The following HSD17B4 variants were observed in gnomAD, a reference collection of about 807,000 sequenced individuals.
HSD17B4 encodes hydroxysteroid 17-beta dehydrogenase 4.
Under a neutral mutation model 101.0 loss-of-function variants are expected in HSD17B4, and 70 were observed. The observed-to-expected ratio is 0.69, with a 90% CI of 0.57 to 0.85. The LOEUF (loss-of-function observed/expected upper bound fraction) is 0.85. HSD17B4 is among the 40% of genes least tolerant of loss of function. The pLI is 0.00. For missense variants in HSD17B4, 984 were observed against 892.4 expected, an observed-to-expected ratio of 1.10 and a Z score of -1.31; for synonymous variants, 347 against 297.1, an observed-to-expected ratio of 1.17 and a Z score of -1.73.
At chr5:119,454,471 A>G (rs544046268) in intron 1 of HSD17B4, among the ~76,000 whole-genome samples, 1 of 152,116 alleles carries the variant, frequency 6.6e-6, no homozygotes, top group South Asian at 2.1e-4. Flanking sequence ...ACGCCCAGCT[A>G]ATTTTTAAAT....
rs1393480039 is a variant in HSD17B4, at chr5:119,533,288, C to CT, written c.1993+1884_1993+1885insT. Among the ~76,000 whole-genome samples the CT allele has an allele frequency of 8.4e-4, 19 of 22,710 alleles. No individual in the cohort carries two copies. The South Asian group carries it at 0.024, about 29-fold the overall frequency. 14.9% of individuals were successfully genotyped at this position (22,710 alleles called of 152,430 possible). ...ACTACAAATATGCATTGACAGGATG[C>CT]CTTTTTTTTTTTTTAAATCCATAGG... On this transcript the variant is annotated intron_variant, in intron 22 of 23. Coordinates refer to ENST00000510025, the MANE Select transcript of HSD17B4 (RefSeq NM_000414.4).
chr5:119,457,848 G>A (rs1327527634), intron 2 of HSD17B4, among the ~76,000 whole-genome samples: 1 of 152,066 alleles, frequency 6.6e-6, no homozygotes, highest in Non-Finnish European at 1.5e-5. Context: ...TTTTATTGTT[G>A]ATATACTTTT....
At chr5:119,492,807 A>G (rs1215203936) in intron 10 of HSD17B4, 1 of 152,070 alleles carries the variant, frequency 6.6e-6, no homozygotes, top group Admixed American at 6.6e-5. Context: ...TGTGAACTCC[A>G]AATTTGAGAA....
At chr5:119,484,907 A>G (rs1213010899) in intron 8 of HSD17B4, among the ~76,000 whole-genome samples, 1 of 152,182 alleles carries the variant, frequency 6.6e-6, no homozygotes, top group Non-Finnish European at 1.5e-5. Context: ...ATGTTCTCAT[A>G]GTCGTGTCAA....
chr5:119,527,162 A>T lies in HSD17B4; in HGVS notation c.1710A>T (p.Gly570=). 1 of 1,607,590 alleles carries T rather than the reference A, an allele frequency of 6.2e-7. No individual in the cohort carries two copies. The highest frequency in any genetic ancestry group is 8.5e-7 in the Non-Finnish European group (1 of 1,174,498). Residue 570 remains glycine, a synonymous_variant, in exon 20 of 24, where the codon GGA becomes GGT. Coordinates refer to ENST00000510025, the MANE Select transcript of HSD17B4 (RefSeq NM_000414.4). Reference sequence around the variant, plus strand: ...GTTTTGCAAAACCAGTATATCCAGGACAAACTCTACAAACTGAGATGTGGA... The same window carrying T: ...GTTTTGCAAAACCAGTATATCCAGGTCAAACTCTACAAACTGAGATGTGGA... ...KARFAKPVYP[G]QTLQTEMWKE...
At chr5:119,456,052 C>T (rs1387182508) in intron 1 of HSD17B4, among the ~76,000 whole-genome samples, 6 of 152,230 alleles carry the variant, frequency 3.9e-5, no homozygotes, top group East Asian at 1.9e-4. Context: ...GATGGTGGAA[C>T]CCAATTCACA....
intron 21 of HSD17B4, 105 bp from the exon 22 acceptor site, chr5:119,531,161 G>A (rs1429043594): frequency 9.0e-6 from 10 of 1,112,150 alleles, no homozygotes; most frequent in Non-Finnish European, 1.4e-5. Flanking sequence ...ACTGACTTAT[G>A]TACAGAGTTT....
At chr5:119,454,589 A>T (rs1163440146) in intron 1 of HSD17B4, among the ~76,000 whole-genome samples, 3 of 150,848 alleles carry the variant, frequency 2.0e-5, no homozygotes, top group African/African-American at 7.3e-5. Flanking sequence ...ATTTGGTGAA[A>T]TTTCCTAGTT....
Position 119,525,718 on chromosome 5 carries a change from T to G in HSD17B4, c.1574-199T>G, listed in dbSNP as rs993281237. 87 of 577,822 alleles carry G rather than the reference T, an allele frequency of 1.5e-4. 1 individual carries two copies. The highest frequency in any genetic ancestry group is 1.4e-3 in the Middle Eastern group (3 of 2,172). 35.8% of individuals were successfully genotyped at this position (577,822 alleles called of 1,614,324 possible). A position where few individuals can be genotyped will look rare whatever the true frequency, so the allele number is the denominator to read the frequency against. ...TCACATTCTTTTCCTGTTTTGTTTTTTTTTTTTCTTTCTTTCTTTATTTCA... is the reference window on the plus strand; with the variant it reads ...TCACATTCTTTTCCTGTTTTGTTTTGTTTTTTTCTTTCTTTCTTTATTTCA... On this transcript the variant is annotated intron_variant, in intron 18 of 23. Transcript: ENST00000510025.
chr5:119,483,411 T>A (rs1749328790), intron 8 of HSD17B4, among the ~76,000 whole-genome samples: 1 of 152,158 alleles, frequency 6.6e-6, no homozygotes, highest in Non-Finnish European at 1.5e-5. Flanking sequence ...TTTATCTTGG[T>A]TTGAGGATGG....
At chr5:119,469,424 G>A (rs1332669450) in intron 2 of HSD17B4, among the ~76,000 whole-genome samples, 1 of 151,882 alleles carries the variant, frequency 6.6e-6, no homozygotes. Flanking sequence ...GCGCGGTCTC[G>A]GCTCATTGCA....
chr5:119,458,888 G>A (rs1413829102), intron 2 of HSD17B4, among the ~76,000 whole-genome samples: 1 of 152,150 alleles, frequency 6.6e-6, no homozygotes, highest in Non-Finnish European at 1.5e-5. Flanking sequence ...TTCCTCAGTA[G>A]GTGAGCTATA....
At chr5:119,474,538 T>A in intron 4 of HSD17B4, 78 bp downstream of exon 4, 2 of 858,508 alleles carry the variant, frequency 2.3e-6, no homozygotes, top group Non-Finnish European at 4.1e-6. Flanking sequence ...TGACTTTCAT[T>A]TACTAAACAG....
At chr5:119,499,764 CAAGT>C in intron 13 of HSD17B4, 2 of 348,662 alleles carry the variant, frequency 5.7e-6, no homozygotes, top group African/African-American at 2.2e-5. Flanking sequence ...AAGAAAATAA[CAAGT>C]ATGTGTAGTC....
In HSD17B4 at chr5:119,476,584, G is replaced by C. The variant is rs1748605347; in HGVS notation, c.349+714G>C. 3.0e-6 allele frequency: 3 copies of C among 985,278 alleles called. No individual in the cohort carries two copies. The South Asian group carries it at 1.4e-4, about 46-fold the overall frequency. 61.0% of individuals were successfully genotyped at this position (985,278 alleles called of 1,614,324 possible). A position where few individuals can be genotyped will look rare whatever the true frequency, so the allele number is the denominator to read the frequency against. On this transcript the variant is annotated intron_variant, in intron 6 of 23. Transcript: ENST00000510025. The stretch of plus-strand genomic sequence containing the variant: ...TTTTGGAAGAAGAGTTAGTGTCTTT[G>C]ATTTAGAATTAAGCTAAGAAGAGCT...
intron 16 of HSD17B4, among the ~76,000 whole-genome samples, chr5:119,513,448 A>G (rs1326512288): frequency 2.0e-5 from 3 of 151,994 alleles, no homozygotes; most frequent in African/African-American, 4.8e-5. Context: ...CAGTGGTGCA[A>G]TCTCAGCTCA....
chr5:119,471,745 C>T, intron 2 of HSD17B4: 1 of 976,180 alleles, frequency 1.0e-6, no homozygotes, highest in Non-Finnish European at 1.5e-6. Flanking sequence ...TGGCATTTAT[C>T]TATGTATCTT....
chr5:119,493,595 G>A (rs1429481398), intron 10 of HSD17B4: 4 of 488,286 alleles, frequency 8.2e-6, no homozygotes, highest in Non-Finnish European at 1.5e-5. Context: ...ATAGTCAGAG[G>A]AGAAATTTTT....
At chr5:119,476,634 A>T in intron 6 of HSD17B4, 1 of 985,272 alleles carries the variant, frequency 1.0e-6, no homozygotes, top group Non-Finnish European at 1.2e-6. Context: ...CCCTTGTAAC[A>T]ACTGGGGTAA....
Sources: allele counts gnomAD v4.1 joint callset (sites outside exome capture counted in the v4.1 genomes callset), GRCh38; gene constraint gnomAD v4.1.1; transcripts MANE v1.5; gene names NCBI Gene and HGNC (gene_info 2026-07-23, HGNC 2026-07-21).